The following SCUBE1 variants were observed in gnomAD, a reference collection of about 807,000 sequenced individuals.
The protein encoded by SCUBE1 is signal peptide, CUB and EGF-like domain-containing protein 1.
Under a neutral mutation model 124.4 loss-of-function variants are expected in SCUBE1, and 59 were observed. The ratio of observed to expected loss-of-function variants is 0.47; its 90% CI spans 0.38 to 0.59. The LOEUF (loss-of-function observed/expected upper bound fraction) is 0.59. Among genes scored for constraint, SCUBE1 ranks in the 20% least tolerant of loss-of-function variants. The probability of loss-of-function intolerance (pLI) is 0.00; values close to 1 mark genes in which losing one functional copy is unlikely to be tolerated. For synonymous variants in SCUBE1, 545 were observed against 550.9 expected (o/e 0.99, Z 0.15); for missense variants, 1,150 against 1,371.2 (o/e 0.84, Z 2.55).
chr22:43,283,709 C>G (rs1925018459), intron 4 of SCUBE1: 3 of 152,242 alleles, frequency 2.0e-5, no homozygotes, highest in Admixed American at 6.5e-5. Flanking sequence ...ATGTTAAACT[C>G]TAGTGACGTA....
chr22:43,325,267 A>C (rs1228684931), intron 2 of SCUBE1, among the ~76,000 whole-genome samples: 1 of 151,842 alleles, frequency 6.6e-6, no homozygotes, highest in Non-Finnish European at 1.5e-5. Flanking sequence ...GTGTGAGATG[A>C]ATATTTTAAA....
chr22:43,229,028 G>A (rs565668400), intron 9 of SCUBE1, 44 bp downstream of exon 9: 2 of 1,423,688 alleles, frequency 1.4e-6, no homozygotes, highest in African/African-American at 1.4e-5. Flanking sequence ...GCGGCCAGGC[G>A]CGTGCCTCGG....
chr22:43,337,846 T>G (rs1927135654), intron 2 of SCUBE1, among the ~76,000 whole-genome samples: 1 of 152,204 alleles, frequency 6.6e-6, no homozygotes, highest in African/African-American at 2.4e-5. Context: ...GTCACTTTCC[T>G]AATACAAATA....
chr22:43,268,613 G>T (rs116826584), intron 4 of SCUBE1, among the ~76,000 whole-genome samples: 1 of 152,220 alleles, frequency 6.6e-6, no homozygotes, highest in Non-Finnish European at 1.5e-5. Flanking sequence ...CACTTGCTGC[G>T]TGACCCTGGG....
intron 2 of SCUBE1, among the ~76,000 whole-genome samples, chr22:43,330,837 T>C (rs1283461876): frequency 1.3e-5 from 2 of 152,238 alleles, no homozygotes; most frequent in African/African-American, 4.8e-5. Flanking sequence ...ATCCAATTTC[T>C]TCCTTCCTGC....
intron 4 of SCUBE1, among the ~76,000 whole-genome samples, chr22:43,276,897 C>T (rs76110835): frequency 0.024 from 3,692 of 152,302 alleles, 155 homozygotes; most frequent in African/African-American, 0.086. Context: ...TCGGTTCTCA[C>T]GCACGTCAAC....
intron 2 of SCUBE1, among the ~76,000 whole-genome samples, chr22:43,337,857 T>A (rs1927135946): frequency 6.6e-6 from 1 of 152,088 alleles, no homozygotes; most frequent in African/African-American, 2.4e-5. Flanking sequence ...AATACAAATA[T>A]CAAACTTGGA....
intron 4 of SCUBE1, among the ~76,000 whole-genome samples, chr22:43,274,290 T>C (rs1186813420): frequency 6.6e-6 from 1 of 152,186 alleles, no homozygotes; most frequent in East Asian, 1.9e-4. Context: ...GGACAATCAA[T>C]ACTTCCTGAG....
rs1464999563 is a variant in SCUBE1, at chr22:43,343,189, C to T, written c.73G>A (p.Gly25Ser). The T allele has an allele frequency of 3.4e-6, 4 of 1,189,624 alleles. 1 individual carries two copies. Among genetic ancestry groups the T allele is most frequent in the Admixed American group, 4.3e-5 (1 of 23,490 alleles). The allele number at this position is 1,189,624 out of a possible 1,614,324, so 73.7% of individuals were successfully genotyped here. A position where few individuals can be genotyped will look rare whatever the true frequency, so the allele number is the denominator to read the frequency against. ...GGGGGCTTACCTGGGAGCCCGCTGC[C>T]CCCGGCCAGCCGCCCGCGTGTGCCC... is the stretch of plus-strand genomic sequence containing the variant. Reference protein sequence around the residue: ...ALGTRGRLAGGSGLPGSVDVD... With the variant: ...ALGTRGRLAGSSGLPGSVDVD... The change falls in exon 1 of 22, where the codon GGC (glycine) becomes AGC (serine). Residue 25 changes from glycine to serine, a missense_variant. This residue lies in a region of SCUBE1 where 56 missense variants were observed against 48.1 expected (regional missense o/e 1.16). Transcript: ENST00000360835.
In SCUBE1 at chr22:43,208,175, C is replaced by T. The variant is rs747487580; in HGVS notation, c.2631G>A (p.Arg877=). ...TTYETCQTYE[R]PIAFTSRSRK... ...GGGAGCGGGAGGTGAAGGCGATGGGCCTCTCGTAGGTCTGGCAGGTCTCAT... is the reference window on the plus strand; with the variant it reads ...GGGAGCGGGAGGTGAAGGCGATGGGTCTCTCGTAGGTCTGGCAGGTCTCAT... The change falls in exon 20 of 22, where the codon AGG becomes AGA. Residue 877 remains arginine (R), a synonymous_variant. Transcript: ENST00000360835. The T allele has an allele frequency of 1.9e-6, 3 of 1,614,064 alleles. No homozygotes were observed. The highest frequency in any genetic ancestry group is 2.5e-6 in the Non-Finnish European group (3 of 1,179,998).
chr22:43,327,520 C>T (rs763611524), intron 2 of SCUBE1, among the ~76,000 whole-genome samples: 1 of 152,188 alleles, frequency 6.6e-6, no homozygotes, highest in Non-Finnish European at 1.5e-5. Flanking sequence ...GGCAGGGTAG[C>T]TCACGCCTGT....
rs920073092 is a variant in SCUBE1, at chr22:43,235,453, G to A, written c.844+3385C>T. Reference sequence around the variant, plus strand: ...CAGCAGGGAGGGCCAGCTGCTAGGCGGGGCTGGCCAGGTGGCGGTCACTCG... The same window carrying A: ...CAGCAGGGAGGGCCAGCTGCTAGGCAGGGCTGGCCAGGTGGCGGTCACTCG... On this transcript the variant is annotated intron_variant, in intron 7 of 21. Coordinates refer to ENST00000360835, the MANE Select transcript of SCUBE1 (RefSeq NM_173050.5). Among the ~76,000 whole-genome samples the A allele has an allele frequency of 5.3e-5, 8 of 152,080 alleles. No homozygotes were observed. The East Asian group carries it at 5.8e-4, about 11-fold the overall frequency.
At chr22:43,239,136 C>T (rs552388891) in intron 6 of SCUBE1, 182 bp from the exon 7 acceptor site, 27 of 601,510 alleles carry the variant, frequency 4.5e-5, no homozygotes, top group Non-Finnish European at 7.7e-5. Context: ...CTCAAGCTCC[C>T]CATCTGTGAA....
chr22:43,327,524 C>T (rs5996312), intron 2 of SCUBE1, among the ~76,000 whole-genome samples: 7 of 152,282 alleles, frequency 4.6e-5, no homozygotes, highest in African/African-American at 1.2e-4. Flanking sequence ...GGGTAGCTCA[C>T]GCCTGTAATC....
intron 3 of SCUBE1, among the ~76,000 whole-genome samples, chr22:43,293,521 T>G (rs1231427160): frequency 6.6e-6 from 1 of 152,230 alleles, no homozygotes; most frequent in Non-Finnish European, 1.5e-5. Context: ...TGGAGTCCAG[T>G]GTCAACTTGA....
At chr22:43,245,378 G>T (rs540780952) in intron 6 of SCUBE1, among the ~76,000 whole-genome samples, 16 of 152,278 alleles carry the variant, frequency 1.1e-4, no homozygotes, top group Admixed American at 2.6e-4. Context: ...CCTGTCTGCT[G>T]GGGGGGTGCC....
intron 10 of SCUBE1, among the ~76,000 whole-genome samples, chr22:43,224,095 G>A (rs1922211558): frequency 6.6e-6 from 1 of 152,208 alleles, no homozygotes; most frequent in African/African-American, 2.4e-5. Flanking sequence ...GATACTGAGC[G>A]GTGGCTGATC....
At chr22:43,323,076 G>A (rs1307416557) in intron 2 of SCUBE1, among the ~76,000 whole-genome samples, 1 of 152,186 alleles carries the variant, frequency 6.6e-6, no homozygotes, top group Non-Finnish European at 1.5e-5. Flanking sequence ...AAGTTAGAAT[G>A]CCTGTGACAT....
At chr22:43,219,926 G>C (rs1922018941) in intron 14 of SCUBE1, among the ~76,000 whole-genome samples, 1 of 151,914 alleles carries the variant, frequency 6.6e-6, no homozygotes, top group Admixed American at 6.6e-5. Flanking sequence ...ACCTGGGTGG[G>C]GACTTTTCTT....
Sources: gnomAD v4.1 joint callset for allele counts (sites outside exome capture counted in the v4.1 genomes callset) on GRCh38, gnomAD v4.1.1 for gene constraint, gnomAD v4.1.1 regional missense constraint, MANE v1.5 for transcripts, NCBI Gene and HGNC (gene_info 2026-07-23, HGNC 2026-07-21) for gene names.